Variants in PHOX2A observed in about 807,000 individuals in gnomAD.
PHOX2A encodes the protein paired like homeobox 2A.
A neutral mutation model predicts 16.4 loss-of-function variants in PHOX2A; 10 were observed. The observed-to-expected ratio is 0.61, with a 90% CI of 0.38 to 1.04. The LOEUF (loss-of-function observed/expected upper bound fraction) is 1.04. PHOX2A is among the 50% of genes least tolerant of loss of function. The probability of loss-of-function intolerance (pLI) is 0.01; values close to 1 mark genes in which losing one functional copy is unlikely to be tolerated. For missense variants in PHOX2A, 361 were observed against 419.4 expected (o/e 0.86, Z 1.22); for synonymous variants, 219 against 203.8 (o/e 1.07, Z -0.64).
intron 1 of PHOX2A, 84 bp downstream of exon 1, chr11:72,243,704 A>G: frequency 1.3e-6 from 1 of 765,060 alleles, no homozygotes; most frequent in Non-Finnish European, 1.8e-6. Context: ...GGGGCGGCTG[A>G]GGGGGACAGT....
intron 1 of PHOX2A, 121 bp downstream of exon 1, chr11:72,243,667 T>G: frequency 2.4e-5 from 11 of 467,060 alleles, no homozygotes; most frequent in South Asian, 1.0e-4. Context: ...TCTCGGGGCA[T>G]TGGAGGGTCT....
rs946264974 is a variant in PHOX2A at position 72,239,486 on chromosome 11, G to A, written c.*263C>T. 2.2e-5 allele frequency: 8 copies of A among 359,578 alleles called. No individual in the cohort carries two copies. The highest frequency in any genetic ancestry group is 4.2e-5 in the African/African-American group (2 of 47,706). The allele number at this position is 359,578 out of a possible 1,614,324, so 22.3% of individuals were successfully genotyped here. The stretch of plus-strand genomic sequence containing the variant: ...CTCATGTGATACCGCATCCAAAGAA[G>A]GCCAAGCTAGAAGGAGCTCCGGGGT... On this transcript the variant is annotated 3_prime_UTR_variant, in exon 3 of 3. Coordinates refer to ENST00000298231, the MANE Select transcript of PHOX2A (RefSeq NM_005169.4).
chr11:72,240,945 C>G (rs1487458791), intron 2 of PHOX2A, among the ~76,000 whole-genome samples, 157 bp downstream of exon 2: 1 of 152,242 alleles, frequency 6.6e-6, no homozygotes, highest in Non-Finnish European at 1.5e-5. Flanking sequence ...CCTCCAAGTC[C>G]GGGCCCTGCT....
In PHOX2A at chr11:72,239,768, A is replaced by T; in HGVS notation, c.836T>A (p.Leu279Gln). The part of the protein sequence containing the change: ...SSFHRKPGPA[L>Q]KTNLF ...CGGCAGCTAGAAGAGATTGGTCTTCAGGGCGGGGCCGGGCTTCCGGTGAAA... is the reference window on the plus strand; with the variant it reads ...CGGCAGCTAGAAGAGATTGGTCTTCTGGGCGGGGCCGGGCTTCCGGTGAAA... Residue 279 changes from leucine (L) to glutamine (Q), a missense_variant, in exon 3 of 3, where the codon CTG becomes CAG. Around this residue, in one of 3 missense-constraint regions of PHOX2A, gnomAD observed 71 missense variants for 54.1 expected, o/e 1.31. Transcript: ENST00000298231. 1 of 1,319,918 alleles carries T rather than the reference A, an allele frequency of 7.6e-7. No individual in the cohort carries two copies. The highest frequency in any genetic ancestry group is 9.7e-7 in the Non-Finnish European group (1 of 1,026,576). The allele number at this position is 1,319,918 out of a possible 1,614,324, so 81.8% of individuals were successfully genotyped here.
Position 72,239,584 on chromosome 11 carries a change from T to C in PHOX2A, c.*165A>G. On this transcript the variant is annotated 3_prime_UTR_variant, in exon 3 of 3. Transcript: ENST00000298231. ...GGGTGGGTGAGGACGAGAGTGGCCC[T>C]GACTTGGTCTCCAAAGTTGGGGAGG... 2.2e-6 allele frequency: 1 copy of C among 464,708 alleles called. No homozygotes were observed. Among genetic ancestry groups the C allele is most frequent in the Non-Finnish European group, 3.6e-6 (1 of 278,634 alleles). 28.8% of individuals were successfully genotyped at this position (464,708 alleles called of 1,614,324 possible). A position where few individuals can be genotyped will look rare whatever the true frequency, so the allele number is the denominator to read the frequency against.
In PHOX2A at chr11:72,244,023, CG is replaced by C. The variant is rs1221207729; in HGVS notation, c.-20del. 2.1e-5 allele frequency: 8 copies of C among 378,772 alleles called. No individual in the cohort carries two copies. Among genetic ancestry groups the C allele is most frequent in the African/African-American group, 2.7e-5 (1 of 36,436 alleles). The allele number at this position is 378,772 out of a possible 1,614,324, so 23.5% of individuals were successfully genotyped here. A position where few individuals can be genotyped will look rare whatever the true frequency, so the allele number is the denominator to read the frequency against. Reference sequence around the variant, plus strand: ...AGTCCATCGGCCCGGGGGGCGGGGGCGGGGGCCGGGCCAGGCCGGGTCGGGG... The same window carrying C: ...AGTCCATCGGCCCGGGGGGCGGGGGCGGGGCCGGGCCAGGCCGGGTCGGGG... On this transcript the variant is annotated 5_prime_UTR_variant, in exon 1 of 3. Coordinates refer to ENST00000298231, the MANE Select transcript of PHOX2A (RefSeq NM_005169.4).
intron 1 of PHOX2A, 26 bp from the exon 2 acceptor site, chr11:72,241,315 G>C (rs759129835): frequency 2.4e-6 from 3 of 1,258,786 alleles, no homozygotes; most frequent in East Asian, 2.4e-5. Flanking sequence ...GGGGGGCCGG[G>C]GGGGGGGCAA....
At chr11:72,241,325 A>C in intron 1 of PHOX2A, 36 bp from the exon 2 acceptor site, 7 of 1,176,714 alleles carry the variant, frequency 5.9e-6, no homozygotes, top group African/African-American at 1.6e-5. Flanking sequence ...GGGGGGGGCA[A>C]AAAGGATGGG....
Position 72,240,022 on chromosome 11 carries a change from CGGCGGCAGCGAGGCGGT to C in PHOX2A, c.565_581del (p.Thr189AlafsTer58). 1 of 1,438,008 alleles carries C rather than the reference CGGCGGCAGCGAGGCGGT, an allele frequency of 7.0e-7. No homozygotes were observed. 89.1% of individuals were successfully genotyped at this position (1,438,008 alleles called of 1,614,324 possible). A position where few individuals can be genotyped will look rare whatever the true frequency, so the allele number is the denominator to read the frequency against. ...GGCTGGCCAGGCCGGGCGCAGGCGGCGGCGGCAGCGAGGCGGTGCTATCGGGCGTGGGGCTGCACGTG... is the reference window on the plus strand; with the variant it reads ...GGCTGGCCAGGCCGGGCGCAGGCGGCGCTATCGGGCGTGGGGCTGCACGTG... On this transcript the variant is annotated frameshift_variant, in exon 3 of 3. Coordinates refer to ENST00000298231, the MANE Select transcript of PHOX2A (RefSeq NM_005169.4). LOFTEE classifies it high-confidence loss of function.
Position 72,240,144 on chromosome 11 carries a change from C to A in PHOX2A, c.460G>T (p.Ala154Ser), listed in dbSNP as rs1244727938. The A allele has an allele frequency of 1.1e-5, 17 of 1,534,584 alleles. No individual in the cohort carries two copies. The highest frequency in any genetic ancestry group is 2.5e-5 in the East Asian group (1 of 40,792). The change falls in exon 3 of 3, where the codon GCC (alanine) becomes TCC (serine). Residue 154 changes from alanine to serine, a missense_variant. Coordinates refer to ENST00000298231, the MANE Select transcript of PHOX2A (RefSeq NM_005169.4). ...KFRKQERAAS[A>S]KGAAGAAGAK... Reference sequence around the variant, plus strand: ...CCCGCCGCGCCCGCCGCGCCCTTGGCGCTGGCCGCGCGCTCCTGTTTGCGG... The same window carrying A: ...CCCGCCGCGCCCGCCGCGCCCTTGGAGCTGGCCGCGCGCTCCTGTTTGCGG...
chr11:72,243,880 A>G lies in PHOX2A; in HGVS notation c.125T>C (p.Phe42Ser). The G allele has an allele frequency of 7.8e-7, 1 of 1,277,948 alleles. No individual in the cohort carries two copies. The highest frequency in any genetic ancestry group is 1.5e-5 in the African/African-American group (1 of 64,886). The allele number at this position is 1,277,948 out of a possible 1,614,324, so 79.2% of individuals were successfully genotyped here. Residue 42 changes from phenylalanine to serine, a missense_variant, in exon 1 of 3, where the codon TTC (phenylalanine) becomes TCC (serine). By Grantham distance (155) the Phe-to-Ser change is radical (BLOSUM62 -2). Transcript: ENST00000298231. ...GFQYSPLRPA[F>S]PAAGPPCPAL... The stretch of plus-strand genomic sequence containing the variant: ...GGGGCAGGGCGGCCCTGCCGCGGGG[A>G]AAGCGGGCCGCAGGGGGCTGTATTG...
intron 1 of PHOX2A, among the ~76,000 whole-genome samples, chr11:72,242,145 C>A (rs1222238630): frequency 6.6e-6 from 1 of 152,064 alleles, no homozygotes; most frequent in African/African-American, 2.4e-5. Flanking sequence ...GCCAACACTG[C>A]CCCCCAACTC....
Position 72,240,081 on chromosome 11 carries a change from C to A in PHOX2A, c.523G>T (p.Asp175Tyr). The part of the protein sequence containing the change: ...KGEARCSSED[D>Y]DSKESTCSPT... ...CTGCACGTGGACTCCTTGGAATCGT[C>A]GTCCTCGGAGGAGCAGCGCGCCTCG... The change falls in exon 3 of 3, where the codon GAC becomes TAC. Residue 175 changes from aspartate to tyrosine, a missense_variant. This residue lies in a region of PHOX2A where 235 missense variants were observed against 263.8 expected (regional missense o/e 0.89). Coordinates refer to ENST00000298231, the MANE Select transcript of PHOX2A (RefSeq NM_005169.4). The A allele has an allele frequency of 6.5e-7, 1 of 1,530,746 alleles. No individual in the cohort carries two copies. Among genetic ancestry groups the A allele is most frequent in the Non-Finnish European group, 8.7e-7 (1 of 1,143,592 alleles). The allele number at this position is 1,530,746 out of a possible 1,614,324, so 94.8% of individuals were successfully genotyped here.
Position 72,243,794 on chromosome 11 carries a change from A to G in PHOX2A, c.211T>C (p.Ser71Pro). The change falls in exon 1 of 3, where the codon TCG (serine) becomes CCG (proline). Residue 71 changes from serine (S) to proline (P), a missense_variant. By Grantham distance (74) the Ser-to-Pro change is moderately conservative (BLOSUM62 -1). This residue lies in a region of PHOX2A where 235 missense variants were observed against 263.8 expected (regional missense o/e 0.89). Coordinates refer to ENST00000298231, the MANE Select transcript of PHOX2A (RefSeq NM_005169.4). ...GGGCCGGGGCTGCGCTCACCTGCCG[A>G]GTAGGGCGCGGGCTGGTGGTCGCGT... ...ALRDHQPAPY[S>P]AVPYKFFPEP... The G allele has an allele frequency of 8.0e-7, 1 of 1,247,990 alleles. No individual in the cohort carries two copies. Among genetic ancestry groups the G allele is most frequent in the East Asian group, 3.2e-5 (1 of 31,708 alleles). The allele number at this position is 1,247,990 out of a possible 1,614,324, so 77.3% of individuals were successfully genotyped here. A position where few individuals can be genotyped will look rare whatever the true frequency, so the allele number is the denominator to read the frequency against.
Position 72,241,001 on chromosome 11 carries a change from G to C in PHOX2A, c.405+101C>G, listed in dbSNP as rs79908580. 2.2e-3 allele frequency: 2,865 copies of C among 1,304,822 alleles called. 56 individuals are homozygous for C. In the African/African-American group the frequency reaches 0.038, roughly 18 times the overall value. The allele number at this position is 1,304,822 out of a possible 1,614,324, so 80.8% of individuals were successfully genotyped here. ...CACCCTGGGACCGCGCCCTGCCTTCGGGCTGCATCTGCCTGTATTCCCCTA... is the reference window on the plus strand; with the variant it reads ...CACCCTGGGACCGCGCCCTGCCTTCCGGCTGCATCTGCCTGTATTCCCCTA... On this transcript the variant is annotated intron_variant, in intron 2 of 2. Coordinates refer to ENST00000298231, the MANE Select transcript of PHOX2A (RefSeq NM_005169.4).
Position 72,244,039 on chromosome 11 carries a change from C to A in PHOX2A, c.-35G>T. On this transcript the variant is annotated 5_prime_UTR_variant, in exon 1 of 3. Transcript: ENST00000298231. ...GGGCGGGGGCGGGGGCCGGGCCAGG[C>A]CGGGTCGGGGTCGGGGTCCGGGTGG... is the stretch of plus-strand genomic sequence containing the variant. The A allele has an allele frequency of 9.0e-7, 1 of 1,105,838 alleles. No homozygotes were observed. 68.5% of individuals were successfully genotyped at this position (1,105,838 alleles called of 1,614,324 possible).
chr11:72,241,995 C>T (rs761384764), intron 1 of PHOX2A, among the ~76,000 whole-genome samples: 10 of 149,428 alleles, frequency 6.7e-5, no homozygotes, highest in Non-Finnish European at 1.2e-4. Context: ...CTTTCCATTT[C>T]TCAGCCACTC....
rs1329483852 is a variant in PHOX2A, at chr11:72,243,930, G to A, written c.75C>T (p.Gly25=). 2 of 1,307,210 alleles carry A rather than the reference G, an allele frequency of 1.5e-6. No homozygotes were observed. Among genetic ancestry groups the A allele is most frequent in the Non-Finnish European group, 9.8e-7 (1 of 1,021,890 alleles). The allele number at this position is 1,307,210 out of a possible 1,614,324, so 81.0% of individuals were successfully genotyped here. ...GGAAGCCGCCGGGCTGGCTGCAGGC[G>A]CCAAAGTCGCCGTAGGCGGACGCCT... ...AMEASAYGDF[G]ACSQPGGFQY... Residue 25 remains glycine, a synonymous_variant, in exon 1 of 3, where the codon GGC becomes GGT. Coordinates refer to ENST00000298231, the MANE Select transcript of PHOX2A (RefSeq NM_005169.4).
In PHOX2A at chr11:72,240,193, C is replaced by T; in HGVS notation, c.411G>A (p.Trp137Ter). 6.5e-7 allele frequency: 1 copy of T among 1,535,328 alleles called. No homozygotes were observed. The highest frequency in any genetic ancestry group is 8.7e-7 in the Non-Finnish European group (1 of 1,145,852). The change falls in exon 3 of 3, where the codon TGG (tryptophan) becomes TGA (stop). Residue 137 changes from tryptophan to a stop codon, truncating the protein, a stop_gained. Transcript: ENST00000298231. LOFTEE classifies it low-confidence loss of function (END_TRUNC). ...GGAACTTGGCCCGGCGGTTCTGGAA[C>T]CAGACCTGCGGGCACAGGGGCCAGT... is the stretch of plus-strand genomic sequence containing the variant. ...IDLTEARVQVWFQNRRAKFRK... is the reference protein window; with the variant it reads ...IDLTEARVQV
Sources: allele counts gnomAD v4.1 joint callset (sites outside exome capture counted in the v4.1 genomes callset), GRCh38; gene constraint gnomAD v4.1.1; regional missense constraint gnomAD v4.1.1; transcripts MANE v1.5; gene names NCBI Gene and HGNC (gene_info 2026-07-23, HGNC 2026-07-21).